Variants in CNOT10 observed in about 807,000 individuals in gnomAD.
CNOT10 encodes CCR4-NOT transcription complex, subunit 10.
CNOT10 carries 30 observed loss-of-function variants against 94.6 expected under a neutral mutation model. That is an observed-to-expected ratio of 0.32 (90% confidence interval 0.24 to 0.43). The LOEUF (loss-of-function observed/expected upper bound fraction) is 0.43, where lower values mean the gene tolerates loss of function less well. Among genes scored for constraint, CNOT10 ranks in the 20% least tolerant of loss-of-function variants. CNOT10 has a pLI of 1.00. For synonymous variants in CNOT10, 289 were observed against 301.6 expected (o/e 0.96, Z 0.43); for missense variants, 759 against 877.2 (o/e 0.87, Z 1.70).
At chr3:32,762,585 A>G (rs1700499553) in intron 14 of CNOT10, 148 bp from the exon 15 acceptor site, 1 of 821,736 alleles carries the variant, frequency 1.2e-6, no homozygotes, top group African/African-American at 1.8e-5. Flanking sequence ...GATTCGTTTT[A>G]CCTAAATAAA....
Position 32,753,818 on chromosome 3 carries a change from A to G in CNOT10, c.1596-5640A>G, listed in dbSNP as rs377698374. 39 of 1,581,328 alleles carry G rather than the reference A, an allele frequency of 2.5e-5. 1 individual carries two copies. The highest frequency in any genetic ancestry group is 1.3e-4 in the East Asian group (6 of 44,722). On this transcript the variant is annotated intron_variant, in intron 13 of 18. Transcript: ENST00000328834. ...AGATCCTTTATGGGAGTCTGATGGT[A>G]CAGTTTTGAGTACCAGCTGGTCTGA...
At chr3:32,764,162 C>A in intron 15 of CNOT10, 1 of 302,456 alleles carries the variant, frequency 3.3e-6, no homozygotes, top group Non-Finnish European at 6.0e-6. Context: ...CATGGTGAAA[C>A]CCCGTCTCTA....
At chr3:32,742,144 C>T (rs1020269133) in intron 13 of CNOT10, among the ~76,000 whole-genome samples, 5 of 151,408 alleles carry the variant, frequency 3.3e-5, no homozygotes, top group Non-Finnish European at 5.9e-5. Context: ...TTAGTAGAGA[C>T]GGGGTTTCAC....
intron 8 of CNOT10, among the ~76,000 whole-genome samples, chr3:32,722,253 A>G (rs1031111711): frequency 2.6e-5 from 4 of 152,238 alleles, no homozygotes; most frequent in Middle Eastern, 3.4e-3. Context: ...ACCTTCCCCT[A>G]TTTACCCTTT....
intron 15 of CNOT10, 21 bp downstream of exon 15, chr3:32,762,884 T>A: frequency 6.7e-7 from 1 of 1,489,114 alleles, no homozygotes; most frequent in Non-Finnish European, 8.9e-7. Context: ...ACATCTTTGA[T>A]CAGAACTGGT....
chr3:32,727,650 T>C lies in CNOT10; in HGVS notation c.1013-18T>C, dbSNP rs774635937. On this transcript the variant is annotated intron_variant, in intron 9 of 18. Transcript: ENST00000328834. Reference sequence around the variant, plus strand: ...CTGTAAATCTAATGATGTATTCTTATCTAATTTTTATCACTAGGTAAAAAA... The same window carrying C: ...CTGTAAATCTAATGATGTATTCTTACCTAATTTTTATCACTAGGTAAAAAA... 16 of 1,476,908 alleles carry C rather than the reference T, an allele frequency of 1.1e-5. No homozygotes were observed. Among genetic ancestry groups the C allele is most frequent in the Middle Eastern group, 1.7e-4 (1 of 5,782 alleles). 91.5% of individuals were successfully genotyped at this position (1,476,908 alleles called of 1,614,324 possible). A position where few individuals can be genotyped will look rare whatever the true frequency, so the allele number is the denominator to read the frequency against.
intron 4 of CNOT10, among the ~76,000 whole-genome samples, chr3:32,709,095 A>G (rs991117167): frequency 2.6e-5 from 4 of 152,186 alleles, no homozygotes; most frequent in East Asian, 1.9e-4. Context: ...TTTCAACACT[A>G]TTTTAGTGTA....
Position 32,708,650 on chromosome 3 carries a change from C to A in CNOT10, c.280-20C>A. 1 of 1,588,378 alleles carries A rather than the reference C, an allele frequency of 6.3e-7. No homozygotes were observed. Among genetic ancestry groups the A allele is most frequent in the Non-Finnish European group, 8.5e-7 (1 of 1,170,880 alleles). On this transcript the variant is annotated intron_variant, in intron 3 of 18. Transcript: ENST00000328834. Reference sequence around the variant, plus strand: ...TATTTCCTTAATGTTAAAATATAACCTCTGTTGATTGCTTTATAGGTCCAC... The same window carrying A: ...TATTTCCTTAATGTTAAAATATAACATCTGTTGATTGCTTTATAGGTCCAC...
chr3:32,719,057 T>C (rs566814820), intron 7 of CNOT10, among the ~76,000 whole-genome samples: 2 of 152,170 alleles, frequency 1.3e-5, no homozygotes, highest in African/African-American at 4.8e-5. Flanking sequence ...AAGACCAGCC[T>C]GACCAACATG....
At chr3:32,729,502 A>G (rs1188419954) in intron 10 of CNOT10, among the ~76,000 whole-genome samples, 1 of 152,136 alleles carries the variant, frequency 6.6e-6, no homozygotes, top group Non-Finnish European at 1.5e-5. Flanking sequence ...CATAGGTGAT[A>G]TAAGATGTTG....
intron 1 of CNOT10, among the ~76,000 whole-genome samples, chr3:32,702,737 A>C (rs547765600): frequency 6.6e-6 from 1 of 152,188 alleles, no homozygotes; most frequent in East Asian, 1.9e-4. Flanking sequence ...TGGCAGATCT[A>C]ATATTTTTTA....
chr3:32,699,978 T>TC (rs1302744582), intron 1 of CNOT10, among the ~76,000 whole-genome samples: 1 of 149,256 alleles, frequency 6.7e-6, no homozygotes, highest in Non-Finnish European at 1.5e-5. Flanking sequence ...TCAGTTTCTT[T>TC]TTTTTTTTTT....
chr3:32,694,807 T>A (rs774317116), intron 1 of CNOT10, among the ~76,000 whole-genome samples: 1 of 152,156 alleles, frequency 6.6e-6, no homozygotes, highest in South Asian at 2.1e-4. Flanking sequence ...GTCGGAATGC[T>A]CTCAAACTCC....
chr3:32,718,885 C>T (rs1279698454), intron 7 of CNOT10, among the ~76,000 whole-genome samples: 1 of 152,136 alleles, frequency 6.6e-6, no homozygotes, highest in Non-Finnish European at 1.5e-5. Flanking sequence ...AAGGCTGAGA[C>T]AGGCAGATCA....
At chr3:32,725,321 G>A (rs1490198125) in intron 8 of CNOT10, 129 bp from the exon 9 acceptor site, 12 of 709,038 alleles carry the variant, frequency 1.7e-5, no homozygotes, top group Non-Finnish European at 3.0e-5. Flanking sequence ...CAAATGCCTT[G>A]TGAACTGTTC....
chr3:32,695,664 G>A (rs1697015272), intron 1 of CNOT10: 5 of 1,536,004 alleles, frequency 3.3e-6, no homozygotes, highest in Non-Finnish European at 4.4e-6. Context: ...AGGTTTGTGG[G>A]TCAAAGAGCT....
intron 13 of CNOT10, among the ~76,000 whole-genome samples, chr3:32,748,550 TG>T (rs1211346877): frequency 1.3e-5 from 2 of 152,202 alleles, no homozygotes; most frequent in Non-Finnish European, 2.9e-5. Context: ...TCTCACTCTG[TG>T]GCCCAGGCTG....
Position 32,773,746 on chromosome 3 carries a change from C to A in CNOT10, c.*135C>A. 2.5e-6 allele frequency: 2 copies of A among 785,192 alleles called. No homozygotes were observed. The highest frequency in any genetic ancestry group is 3.8e-6 in the Non-Finnish European group (2 of 530,666). The allele number at this position is 785,192 out of a possible 1,614,324, so 48.6% of individuals were successfully genotyped here. A position where few individuals can be genotyped will look rare whatever the true frequency, so the allele number is the denominator to read the frequency against. The stretch of plus-strand genomic sequence containing the variant: ...GTCAATTCTACCCCTGACATTTGGC[C>A]AAAAGCTTACTTAAAATTAAGGATT... On this transcript the variant is annotated 3_prime_UTR_variant, in exon 19 of 19. Transcript: ENST00000328834.
rs371214250 is a variant in CNOT10, at chr3:32,765,317, CA to C, written c.2004+521del. 2.9e-3 allele frequency: 114 copies of C among 39,830 alleles called. 3 individuals carry two copies. Among genetic ancestry groups the C allele is most frequent in the South Asian group, 7.0e-3 (9 of 1,292 alleles). 2.5% of individuals were successfully genotyped at this position (39,830 alleles called of 1,614,324 possible). A position where few individuals can be genotyped will look rare whatever the true frequency, so the allele number is the denominator to read the frequency against. On this transcript the variant is annotated intron_variant, in intron 17 of 18. Transcript: ENST00000328834. ...TGGGCAACAGAGCGAGACTCCGTCT[CA>C]AAAAAAAAAAAAGATGTTTAAATTT...
Sources: gnomAD v4.1 joint callset for allele counts (sites outside exome capture counted in the v4.1 genomes callset) on GRCh38, gnomAD v4.1.1 for gene constraint, MANE v1.5 for transcripts, NCBI Gene and HGNC (gene_info 2026-07-23, HGNC 2026-07-21) for gene names.